The following PTPRN2 variants were observed in gnomAD, a reference collection of about 807,000 sequenced individuals.
The protein encoded by PTPRN2 is receptor-type tyrosine-protein phosphatase N2.
PTPRN2 carries 74 observed loss-of-function variants against 118.8 expected under a neutral mutation model. That is an observed-to-expected ratio of 0.62 (90% CI 0.52 to 0.76). The LOEUF (loss-of-function observed/expected upper bound fraction) is 0.76, where lower values mean the gene tolerates loss of function less well. Ranked by LOEUF, PTPRN2 falls within the 30% of genes least tolerant of loss-of-function variation. The probability of loss-of-function intolerance (pLI) is 0.00; values close to 1 mark genes in which losing one functional copy is unlikely to be tolerated. For missense variants in PTPRN2, 1,481 were observed against 1,394.4 expected (o/e 1.06, Z -0.99); for synonymous variants, 641 against 608.0 (o/e 1.05, Z -0.80).
chr7:158,156,722 C>G (rs1821853002), intron 6 of PTPRN2, among the ~76,000 whole-genome samples: 1 of 152,248 alleles, frequency 6.6e-6, no homozygotes, highest in Non-Finnish European at 1.5e-5. Context: ...AGGGGAAAGG[C>G]TCCCCCAGTG....
intron 3 of PTPRN2, among the ~76,000 whole-genome samples, chr7:158,236,452 G>C (rs898695595): frequency 1.3e-5 from 2 of 152,180 alleles, no homozygotes; most frequent in African/African-American, 4.8e-5. Context: ...AAGGCTGCCT[G>C]GGCCCTGGGC....
At chr7:157,742,949 C>T (rs763192396) in intron 12 of PTPRN2, among the ~76,000 whole-genome samples, 7 of 152,202 alleles carry the variant, frequency 4.6e-5, no homozygotes, top group South Asian at 2.1e-4. Context: ...GAAAATGCTT[C>T]GGTATTGCAT....
chr7:158,300,907 G>A (rs141032074), intron 3 of PTPRN2, among the ~76,000 whole-genome samples: 32 of 152,202 alleles, frequency 2.1e-4, no homozygotes, highest in East Asian at 7.7e-4. Context: ...CATTTCCACC[G>A]CTGTAATGAG....
chr7:158,391,795 CG>C (rs1457083464), intron 2 of PTPRN2, among the ~76,000 whole-genome samples: 3 of 152,132 alleles, frequency 2.0e-5, no homozygotes, highest in African/African-American at 4.8e-5. Context: ...GTACCGGGGG[CG>C]GGGGAGGAAA....
In PTPRN2 at chr7:158,523,755, T is replaced by C. The variant is rs377605713; in HGVS notation, c.113-33970A>G. Reference sequence around the variant, plus strand: ...TGGAGTGGAGTCGTCTGCCCTGGAGTGGAGTCGTCTACCCTGGAGTGGAGT... The same window carrying C: ...TGGAGTGGAGTCGTCTGCCCTGGAGCGGAGTCGTCTACCCTGGAGTGGAGT... On this transcript the variant is annotated intron_variant, in intron 1 of 22. Transcript: ENST00000389418. Among the ~76,000 whole-genome samples, 168 of 39,274 alleles carry C rather than the reference T, an allele frequency of 4.3e-3. 5 individuals carry two copies. Among genetic ancestry groups the C allele is most frequent in the South Asian group, 7.4e-3 (4 of 542 alleles). The allele number at this position is 39,274 out of a possible 152,430, so 25.8% of individuals were successfully genotyped here.
intron 12 of PTPRN2, among the ~76,000 whole-genome samples, chr7:157,704,911 G>A (rs1296772393): frequency 6.6e-6 from 1 of 152,206 alleles, no homozygotes; most frequent in Non-Finnish European, 1.5e-5. Flanking sequence ...AAATGACAGT[G>A]ACTGTTATCA....
chr7:158,260,756 T>C (rs1257706887), intron 3 of PTPRN2, among the ~76,000 whole-genome samples: 1 of 152,000 alleles, frequency 6.6e-6, no homozygotes, highest in Non-Finnish European at 1.5e-5. Context: ...GAAAACACCC[T>C]CGCTGCCACG....
intron 22 of PTPRN2, among the ~76,000 whole-genome samples, chr7:157,542,902 A>T (rs1451820071): frequency 6.6e-6 from 1 of 152,042 alleles, no homozygotes; most frequent in African/African-American, 2.4e-5. Flanking sequence ...GTTTGAGGGG[A>T]CAGGGGCTTG....
intron 1 of PTPRN2, among the ~76,000 whole-genome samples, chr7:158,540,559 G>C (rs970571819): frequency 2.6e-5 from 4 of 152,120 alleles, no homozygotes; most frequent in Non-Finnish European, 5.9e-5. Context: ...TTTGGAGGTG[G>C]CTCTGCTCCC....
At chr7:158,162,911 G>C (rs541470856) in intron 6 of PTPRN2, among the ~76,000 whole-genome samples, 1 of 152,144 alleles carries the variant, frequency 6.6e-6, no homozygotes, top group Non-Finnish European at 1.5e-5. Flanking sequence ...TGTTGGACCC[G>C]ACCGTGCGAC....
intron 12 of PTPRN2, among the ~76,000 whole-genome samples, chr7:157,770,104 G>A (rs1466510524): frequency 6.6e-6 from 1 of 152,240 alleles, no homozygotes; most frequent in African/African-American, 2.4e-5. Context: ...CGGCCCCGGT[G>A]AATGCTGCTT....
intron 3 of PTPRN2, among the ~76,000 whole-genome samples, chr7:158,233,399 G>A (rs559565078): frequency 3.5e-4 from 54 of 152,232 alleles, no homozygotes; most frequent in African/African-American, 1.2e-3. Flanking sequence ...ATACAACACT[G>A]AAGAAAACAA....
intron 2 of PTPRN2, among the ~76,000 whole-genome samples, chr7:158,469,936 A>T (rs1819726519): frequency 6.6e-6 from 1 of 151,876 alleles, no homozygotes; most frequent in South Asian, 2.1e-4. Context: ...CTGTTGCCAT[A>T]ACAGGAGCTG....
At chr7:157,792,736 A>G (rs1353981525) in intron 12 of PTPRN2, among the ~76,000 whole-genome samples, 1 of 152,194 alleles carries the variant, frequency 6.6e-6, no homozygotes, top group Non-Finnish European at 1.5e-5. Flanking sequence ...CAGCCCGCAG[A>G]TGGGCCACCC....
chr7:158,139,910 G>A (rs1437317159), intron 6 of PTPRN2, among the ~76,000 whole-genome samples: 2 of 152,050 alleles, frequency 1.3e-5, no homozygotes, highest in South Asian at 2.1e-4. Flanking sequence ...CAAACGAGAG[G>A]GTAAAGGAGA....
At chr7:158,030,435 A>G (rs1807604561) in intron 11 of PTPRN2, 1 of 151,626 alleles carries the variant, frequency 6.6e-6, no homozygotes. Flanking sequence ...CCCCCAGGAA[A>G]GCACGTCTGA....
chr7:158,587,581 C>T lies in PTPRN2; in HGVS notation c.89G>A (p.Gly30Asp). ...LPAAPSSVPR[G>D]RQLPGRLGCL... ...ACCCAGACGCCCCGGGAGCTGCCGG[C>T]CGCGGGGGACGGACGAAGGGGCGGC... The change falls in exon 1 of 23, where the codon GGC (glycine) becomes GAC (aspartate). Residue 30 changes from glycine (G) to aspartate (D), a missense_variant. Physicochemically the swap from Gly to Asp is moderately conservative, Grantham distance 94. This residue lies in a region of PTPRN2 where 1,115 missense variants were observed against 994.2 expected (regional missense o/e 1.12). Transcript: ENST00000389418. 5 of 1,336,212 alleles carry T rather than the reference C, an allele frequency of 3.7e-6. No individual in the cohort carries two copies. Among genetic ancestry groups the T allele is most frequent in the South Asian group, 1.9e-5 (1 of 52,614 alleles). The allele number at this position is 1,336,212 out of a possible 1,614,324, so 82.8% of individuals were successfully genotyped here.
intron 12 of PTPRN2, among the ~76,000 whole-genome samples, chr7:157,879,199 C>T (rs10269761): frequency 0.15 from 21,624 of 146,082 alleles, 1,060 homozygotes; most frequent in East Asian, 0.19. Flanking sequence ...GAGGAGCTCT[C>T]GGATTCCGTG....
chr7:158,269,974 A>G (rs1391318064), intron 3 of PTPRN2, among the ~76,000 whole-genome samples: 2 of 152,220 alleles, frequency 1.3e-5, no homozygotes, highest in Non-Finnish European at 2.9e-5. Context: ...TCAGAGACAG[A>G]GATAGCCAGA....
Sources: allele counts gnomAD v4.1 joint callset (sites outside exome capture counted in the v4.1 genomes callset), GRCh38; gene constraint gnomAD v4.1.1; regional missense constraint gnomAD v4.1.1; transcripts MANE v1.5; gene names NCBI Gene and HGNC (gene_info 2026-07-23, HGNC 2026-07-21).